Variants in ERAP2 observed in about 807,000 individuals in gnomAD.
ERAP2 encodes leukocyte-derived arginine aminopeptidase.
Under a neutral mutation model 111.1 loss-of-function variants are expected in ERAP2, and 118 were observed. The observed-to-expected ratio is 1.06, with a 90% CI of 0.92 to 1.24. ERAP2 has a LOEUF of 1.24. ERAP2 is among the 50% of genes most tolerant of loss of function. The pLI, the probability that ERAP2 is intolerant of heterozygous loss-of-function variation, is 0.00. For synonymous variants in ERAP2, 410 were observed against 401.2 expected, an observed-to-expected ratio of 1.02 and a Z score of -0.26; for missense variants, 1,131 against 1,125.8, an observed-to-expected ratio of 1.00 and a Z score of -0.07.
chr5:96,878,149 T>C (rs949403133), intron 1 of ERAP2, among the ~76,000 whole-genome samples: 1 of 152,198 alleles, frequency 6.6e-6, no homozygotes, highest in Non-Finnish European at 1.5e-5. Context: ...AGAAACTTAG[T>C]TCTATTTACA....
Position 96,908,948 on chromosome 5 carries a change from T to C in ERAP2, c.2013-13T>C, listed in dbSNP as rs533717959. The C allele has an allele frequency of 3.0e-5, 48 of 1,609,372 alleles. 2 individuals carry two copies. In the Admixed American group the frequency reaches 7.3e-4, roughly 24 times the overall value. On this transcript the variant is annotated splice_polypyrimidine_tract_variant and intron_variant, in intron 13 of 18. Transcript: ENST00000437043. Reference sequence around the variant, plus strand: ...GATATGCACAAACCACTGACATTTGTTTTATACTTCAGTGCAGGGAGACTG... The same window carrying C: ...GATATGCACAAACCACTGACATTTGCTTTATACTTCAGTGCAGGGAGACTG...
intron 2 of ERAP2, 110 bp downstream of exon 2, chr5:96,880,370 T>C: frequency 3.1e-6 from 3 of 960,766 alleles, no homozygotes; most frequent in East Asian, 2.6e-5. Context: ...TCCAGTGAAC[T>C]ATGGGGAACC....
chr5:96,903,698 CAA>C, intron 13 of ERAP2, 138 bp downstream of exon 13: 1 of 679,858 alleles, frequency 1.5e-6, no homozygotes, highest in East Asian at 2.8e-5. Context: ...ATCACTAGGC[CAA>C]AGACTACCCA....
chr5:96,892,848 T>C (rs2151151932), intron 6 of ERAP2, among the ~76,000 whole-genome samples: 1 of 152,286 alleles, frequency 6.6e-6, no homozygotes, highest in East Asian at 1.9e-4. Flanking sequence ...AAATCACTCT[T>C]CCTTCAGTTG....
Position 96,896,421 on chromosome 5 carries a change from T to C in ERAP2, c.1288T>C (p.Leu430=), listed in dbSNP as rs147105600. 2.3e-4 allele frequency: 369 copies of C among 1,612,798 alleles called. 1 individual carries two copies. The African/African-American group carries it at 4.4e-3, about 19-fold the overall frequency. ...TTTTGAAGTAATTACAAAAGATTCA[T>C]TGAATTCATCCCGCCCTATCTCCAA... The part of the protein sequence containing the change: ...VCFEVITKDS[L]NSSRPISKPA... Residue 430 remains leucine, a synonymous_variant, in exon 8 of 19, where the codon TTG becomes CTG. Transcript: ENST00000437043.
In ERAP2 at chr5:96,886,299, G is replaced by A. The variant is rs190185199; in HGVS notation, c.715-356G>A. Among the ~76,000 whole-genome samples, 23 of 152,324 alleles carry A rather than the reference G, an allele frequency of 1.5e-4. No individual in the cohort carries two copies. The East Asian group carries it at 3.7e-3, about 24-fold the overall frequency. ...ATAAAGGGAAAGGGGCCATTATCTGGTATTTTACTTAAAAGCACAGAAGTT... is the reference window on the plus strand; with the variant it reads ...ATAAAGGGAAAGGGGCCATTATCTGATATTTTACTTAAAAGCACAGAAGTT... On this transcript the variant is annotated intron_variant, in intron 3 of 18. Coordinates refer to ENST00000437043, the MANE Select transcript of ERAP2 (RefSeq NM_022350.5).
chr5:96,886,590 G>C, intron 3 of ERAP2, 65 bp from the exon 4 acceptor site: 1 of 1,379,992 alleles, frequency 7.2e-7, no homozygotes, highest in Non-Finnish European at 9.7e-7. Context: ...CCTGCCATAA[G>C]TCATAGGCAT....
chr5:96,886,600 T>C (rs1160003633), intron 3 of ERAP2, 55 bp from the exon 4 acceptor site: 3 of 1,415,854 alleles, frequency 2.1e-6, no homozygotes, highest in Non-Finnish European at 2.8e-6. Context: ...GTCATAGGCA[T>C]GGTTATGAAA....
chr5:96,876,416 C>A (rs1020750521), upstream of ERAP2: 7 of 152,238 alleles, frequency 4.6e-5, no homozygotes, highest in Non-Finnish European at 1.0e-4. Flanking sequence ...TGATAATGAA[C>A]CAGCTAGTAC....
intron 15 of ERAP2, 77 bp from the exon 16 acceptor site, chr5:96,912,560 T>C (rs745439896): frequency 1.5e-4 from 154 of 1,055,050 alleles, no homozygotes; most frequent in Middle Eastern, 2.6e-4. Context: ...TATTGTGTTA[T>C]AGGACTTAAA....
At position 96,883,983 on chromosome 5, in the gene ERAP2, C is replaced by T. The variant is rs557805776; in HGVS notation, c.714+53C>T. On this transcript the variant is annotated intron_variant, in intron 3 of 18. Coordinates refer to ENST00000437043, the MANE Select transcript of ERAP2 (RefSeq NM_022350.5). ...AATTGTTCTCAAGTTGAGACTCAGT[C>T]TTCGTTTGTTTTTTAAAATTGCTTT... 1.1e-3 allele frequency: 1,663 copies of T among 1,507,532 alleles called. 3 individuals are homozygous for T. Among genetic ancestry groups the T allele is most frequent in the Non-Finnish European group, 1.3e-3 (1,429 of 1,127,242 alleles). 93.4% of individuals were successfully genotyped at this position (1,507,532 alleles called of 1,614,324 possible).
chr5:96,883,934 T>G lies in ERAP2; in HGVS notation c.714+4T>G. ...TGCACTATCCAACATGCCAAAGGTATGTCCACTTCCAGAAACTTTTAGAAA... is the reference window on the plus strand; with the variant it reads ...TGCACTATCCAACATGCCAAAGGTAGGTCCACTTCCAGAAACTTTTAGAAA... On this transcript the variant is annotated splice_donor_region_variant and intron_variant, in intron 3 of 18. Coordinates refer to ENST00000437043, the MANE Select transcript of ERAP2 (RefSeq NM_022350.5). 1 of 1,569,014 alleles carries G rather than the reference T, an allele frequency of 6.4e-7. No individual in the cohort carries two copies. The highest frequency in any genetic ancestry group is 8.6e-7 in the Non-Finnish European group (1 of 1,161,100).
At chr5:96,896,545 AGT>A (rs1491260085) in intron 8 of ERAP2, 41 bp downstream of exon 8, 7 of 1,558,364 alleles carry the variant, frequency 4.5e-6, no homozygotes, top group South Asian at 1.1e-5. Context: ...TGCTTTCAGA[AGT>A]GTAATAATGA....
At chr5:96,916,736 G>A (rs1787448808) in intron 18 of ERAP2, among the ~76,000 whole-genome samples, 1 of 151,054 alleles carries the variant, frequency 6.6e-6, no homozygotes, top group Admixed American at 6.6e-5. Context: ...CCGAAGTGCT[G>A]GGATTACAGG....
chr5:96,915,098 C>G (rs1226198417), intron 17 of ERAP2, among the ~76,000 whole-genome samples: 1 of 152,060 alleles, frequency 6.6e-6, no homozygotes, highest in African/African-American at 2.4e-5. Flanking sequence ...ACCTCCACCT[C>G]CCGGGTTCAA....
intron 17 of ERAP2, among the ~76,000 whole-genome samples, chr5:96,914,806 GT>G (rs1321669408): frequency 6.6e-6 from 1 of 152,148 alleles, no homozygotes; most frequent in African/African-American, 2.4e-5. Flanking sequence ...AAACACAGTG[GT>G]ATCCAAAATG....
rs76049357 is a variant in ERAP2 at position 96,880,372 on chromosome 5, T to C, written c.575+112T>C. ...CATTTATGAGAAATCCAGTGAACTA[T>C]GGGGAACCCAGAAGAAGGAAAAGAT... On this transcript the variant is annotated intron_variant, in intron 2 of 18. Transcript: ENST00000437043. The C allele has an allele frequency of 4.8e-3, 4,594 of 953,566 alleles. 155 individuals are homozygous for C. The African/African-American group carries it at 0.069, about 14-fold the overall frequency. 59.1% of individuals were successfully genotyped at this position (953,566 alleles called of 1,614,324 possible).
At chr5:96,884,196 A>T (rs566096977) in intron 3 of ERAP2, among the ~76,000 whole-genome samples, 29 of 152,312 alleles carry the variant, frequency 1.9e-4, no homozygotes, top group African/African-American at 7.0e-4. Flanking sequence ...ATATGGAAAC[A>T]GTATCTTAAA....
In ERAP2 at chr5:96,902,202, T is replaced by C. The variant is rs543427916; in HGVS notation, c.1749-72T>C. 2.8e-6 allele frequency: 3 copies of C among 1,056,932 alleles called. No homozygotes were observed. The East Asian group carries it at 7.1e-5, about 25-fold the overall frequency. The allele number at this position is 1,056,932 out of a possible 1,614,324, so 65.5% of individuals were successfully genotyped here. On this transcript the variant is annotated intron_variant, in intron 11 of 18. Coordinates refer to ENST00000437043, the MANE Select transcript of ERAP2 (RefSeq NM_022350.5). Reference sequence around the variant, plus strand: ...GTACTTAGGTGCCTTTTACAGTCTGTCTGAGTCTGACAATGTGAAAAATCA... The same window carrying C: ...GTACTTAGGTGCCTTTTACAGTCTGCCTGAGTCTGACAATGTGAAAAATCA...
Sources: gnomAD v4.1 joint callset for allele counts (sites outside exome capture counted in the v4.1 genomes callset) on GRCh38, gnomAD v4.1.1 for gene constraint, MANE v1.5 for transcripts, NCBI Gene and HGNC (gene_info 2026-07-23, HGNC 2026-07-21) for gene names.